Variants in EYS observed in about 807,000 individuals in gnomAD.
EYS encodes the protein protein eyes shut homolog.
A neutral mutation model predicts 282.1 loss-of-function variants in EYS; 250 were observed. That is an observed-to-expected ratio of 0.89 (90% CI 0.80 to 0.98). The LOEUF is 0.98. EYS is among the 50% of genes least tolerant of loss of function. The pLI is 0.00. For synonymous variants in EYS, 1,355 were observed against 1,282.9 expected (o/e 1.06, Z -1.20); for missense variants, 4,016 against 3,709.0 (o/e 1.08, Z -2.15).
At chr6:65,411,724 T>C (rs1374791240) in intron 5 of EYS, among the ~76,000 whole-genome samples, 2 of 152,052 alleles carry the variant, frequency 1.3e-5, no homozygotes, top group Admixed American at 1.3e-4. Flanking sequence ...AATGAAACCA[T>C]ACAATATGTA....
At chr6:65,090,014 C>T (rs150767182) in intron 12 of EYS, among the ~76,000 whole-genome samples, 27 of 141,832 alleles carry the variant, frequency 1.9e-4, no homozygotes, top group Non-Finnish European at 3.6e-4. Context: ...CACAAACACA[C>T]ACACACACTT....
intron 19 of EYS, among the ~76,000 whole-genome samples, chr6:64,829,169 G>C (rs58463327): frequency 0.013 from 2,027 of 152,096 alleles, 43 homozygotes; most frequent in African/African-American, 0.046. Context: ...GGCATGAAGT[G>C]TGAAGTTCTC....
chr6:65,352,353 T>A (rs1366973951), intron 9 of EYS, among the ~76,000 whole-genome samples: 1 of 151,874 alleles, frequency 6.6e-6, no homozygotes, highest in African/African-American at 2.4e-5. Flanking sequence ...TGCCAAAATA[T>A]CACTGTCAGA....
intron 22 of EYS, among the ~76,000 whole-genome samples, chr6:64,805,611 G>T (rs907811866): frequency 2.0e-5 from 3 of 151,446 alleles, no homozygotes; most frequent in Non-Finnish European, 4.4e-5. Flanking sequence ...AACAGAAAAA[G>T]GTGTGTAAGG....
chr6:64,420,310 T>C (rs1337105669), intron 28 of EYS, among the ~76,000 whole-genome samples: 8 of 152,124 alleles, frequency 5.3e-5, no homozygotes, highest in Non-Finnish European at 2.9e-5. Flanking sequence ...GGGCCTGGCC[T>C]ATGAACCATA....
At chr6:64,010,875 T>C (rs1462934019) in intron 33 of EYS, among the ~76,000 whole-genome samples, 2 of 152,182 alleles carry the variant, frequency 1.3e-5, no homozygotes, top group Admixed American at 1.3e-4. Context: ...GTCATGATAC[T>C]TTGATTGCAT....
At chr6:65,166,664 T>C (rs949346950) in intron 12 of EYS, among the ~76,000 whole-genome samples, 1 of 151,128 alleles carries the variant, frequency 6.6e-6, no homozygotes, top group South Asian at 2.1e-4. Flanking sequence ...GATTAAGCAA[T>C]AGTTTTTTAC....
chr6:64,843,456 T>C (rs1231532692), intron 19 of EYS, among the ~76,000 whole-genome samples: 1 of 152,180 alleles, frequency 6.6e-6, no homozygotes, highest in African/African-American at 2.4e-5. Flanking sequence ...TAAGGGAACC[T>C]ATCTCTTGCA....
At chr6:64,263,103 A>G (rs1013920992) in intron 30 of EYS, among the ~76,000 whole-genome samples, 9 of 152,212 alleles carry the variant, frequency 5.9e-5, no homozygotes, top group African/African-American at 2.2e-4. Context: ...TGCAAATGAC[A>G]TAAGATTGTT....
intron 26 of EYS, among the ~76,000 whole-genome samples, chr6:64,544,106 T>C (rs921306427): frequency 7.9e-5 from 12 of 152,310 alleles, no homozygotes; most frequent in Middle Eastern, 3.4e-3. Context: ...GTTTGAGTTG[T>C]TTTGGATGGT....
intron 9 of EYS, among the ~76,000 whole-genome samples, chr6:65,346,708 G>A (rs1770410250): frequency 1.3e-5 from 2 of 151,738 alleles, no homozygotes. Context: ...CCTAAAAATG[G>A]AAAGACCCAT....
At chr6:65,378,359 G>A (rs1765464869) in intron 8 of EYS, among the ~76,000 whole-genome samples, 1 of 152,152 alleles carries the variant, frequency 6.6e-6, no homozygotes, top group Non-Finnish European at 1.5e-5. Flanking sequence ...CAGTTATAAT[G>A]ACGATCATTA....
At chr6:64,363,737 G>A (rs765823976) in intron 29 of EYS, among the ~76,000 whole-genome samples, 1 of 151,894 alleles carries the variant, frequency 6.6e-6, no homozygotes, top group Non-Finnish European at 1.5e-5. Context: ...TATGCAAGAT[G>A]TCTTGAACTA....
At chr6:65,280,558 G>A (rs988766596) in intron 12 of EYS, among the ~76,000 whole-genome samples, 17 of 152,038 alleles carry the variant, frequency 1.1e-4, no homozygotes, top group Admixed American at 6.6e-4. Flanking sequence ...ATCTGTAGCT[G>A]TAATTTTTTC....
chr6:65,689,380 G>T (rs1769152995), intron 1 of EYS, among the ~76,000 whole-genome samples: 1 of 149,698 alleles, frequency 6.7e-6, no homozygotes. Context: ...GTTGTGGAGT[G>T]GGGGTAGGGG....
chr6:65,338,514 T>G (rs76832677), intron 10 of EYS, among the ~76,000 whole-genome samples: 6,946 of 151,162 alleles, frequency 0.046, 210 homozygotes, highest in South Asian at 0.081. Context: ...TTGGACTGAA[T>G]AGGGGTCGGC....
intron 13 of EYS, among the ~76,000 whole-genome samples, chr6:65,009,876 C>T (rs894630954): frequency 5.3e-5 from 8 of 152,200 alleles, no homozygotes; most frequent in Admixed American, 1.3e-4. Context: ...ACTGGCTTAT[C>T]CTCATCCCAA....
rs1333564429 is a variant in EYS, at chr6:63,972,595, G to T, written c.7055+11788C>A. ...CTGGATACATGTGCAGAACGTGCAG[G>T]TTTGTTACATAGGTATACATGTGCC... is the stretch of plus-strand genomic sequence containing the variant. On this transcript the variant is annotated intron_variant, in intron 35 of 42. Transcript: ENST00000503581. Among the ~76,000 whole-genome samples the T allele has an allele frequency of 3.9e-5, 6 of 151,960 alleles. 1 individual carries two copies. Among genetic ancestry groups the T allele is most frequent in the Admixed American group, 2.6e-4 (4 of 15,248 alleles).
chr6:64,573,582 GA>G (rs1187344013), intron 26 of EYS, among the ~76,000 whole-genome samples: 1 of 151,770 alleles, frequency 6.6e-6, no homozygotes, highest in African/African-American at 2.4e-5. Flanking sequence ...AAATTTACAA[GA>G]AAAAATCAAT....
Sources: allele counts gnomAD v4.1 joint callset (sites outside exome capture counted in the v4.1 genomes callset), GRCh38; gene constraint gnomAD v4.1.1; transcripts MANE v1.5; gene names NCBI Gene and HGNC (gene_info 2026-07-23, HGNC 2026-07-21).